The following SGCD variants were observed in gnomAD, a reference collection of about 807,000 sequenced individuals.
SGCD encodes the protein delta-sarcoglycan.
SGCD carries 18 observed loss-of-function variants against 36.6 expected under a neutral mutation model. The ratio of observed to expected loss-of-function variants is 0.49; its 90% confidence interval spans 0.34 to 0.73. The LOEUF (loss-of-function observed/expected upper bound fraction) is 0.73. SGCD is among the 30% of genes least tolerant of loss of function. SGCD has a pLI of 0.01. For synonymous variants in SGCD, 133 were observed against 130.6 expected (o/e 1.02, Z -0.12); for missense variants, 387 against 346.7 (o/e 1.12, Z -0.92).
In SGCD at chr5:156,681,856, G is replaced by C. The variant is rs562433613; in HGVS notation, c.575+34320G>C. On this transcript the variant is annotated intron_variant, in intron 7 of 8. Coordinates refer to ENST00000337851, the MANE Select transcript of SGCD (RefSeq NM_000337.6). Reference sequence around the variant, plus strand: ...ATTCTCAATTTGAGGTTACTTTACTGATGAAAAAGTTCTAAGTTGTCCATC... The same window carrying C: ...ATTCTCAATTTGAGGTTACTTTACTCATGAAAAAGTTCTAAGTTGTCCATC... Among the ~76,000 whole-genome samples the C allele has an allele frequency of 5.9e-5, 9 of 152,322 alleles. No homozygotes were observed. In the East Asian group the frequency reaches 1.5e-3, roughly 26 times the overall value.
intron 4 of SGCD, among the ~76,000 whole-genome samples, chr5:156,520,713 A>C: frequency 6.6e-6 from 1 of 152,104 alleles, no homozygotes; most frequent in East Asian, 1.9e-4. Flanking sequence ...AACAGAATAC[A>C]GAACTTAGAA....
rs1246086911 is a variant in SGCD, at chr5:156,763,183, G to A, written c.*3793G>A. 3 of 152,706 alleles carry A rather than the reference G, an allele frequency of 2.0e-5. No homozygotes were observed. The highest frequency in any genetic ancestry group is 4.4e-5 in the Non-Finnish European group (3 of 68,118). The allele number at this position is 152,706 out of a possible 1,614,324, so 9.5% of individuals were successfully genotyped here. On this transcript the variant is annotated 3_prime_UTR_variant, in exon 9 of 9. Coordinates refer to ENST00000337851, the MANE Select transcript of SGCD (RefSeq NM_000337.6). ...TGAGAGTGAAGTAGGGGACCCTGTG[G>A]TTCAACCTTAGAATCTGTTTCCTGT... is the stretch of plus-strand genomic sequence containing the variant.
At chr5:156,494,641 G>A (rs574004239) in intron 3 of SGCD, among the ~76,000 whole-genome samples, 11 of 152,184 alleles carry the variant, frequency 7.2e-5, no homozygotes, top group South Asian at 2.1e-4. Context: ...CCTGCTTAAC[G>A]TATTCCATTG....
intron 1 of SGCD, among the ~76,000 whole-genome samples, chr5:156,071,899 T>G (rs1172145057): frequency 6.6e-6 from 1 of 152,160 alleles, no homozygotes; most frequent in Admixed American, 6.5e-5. Flanking sequence ...CTTCTTTGTC[T>G]CTTTTGATCT....
intron 1 of SGCD, among the ~76,000 whole-genome samples, chr5:155,959,528 A>G (rs1280887070): frequency 1.3e-5 from 2 of 152,120 alleles, no homozygotes; most frequent in African/African-American, 4.8e-5. Context: ...CCCCAACATT[A>G]TGGTTTAGAA....
chr5:156,446,464 G>T (rs1260704195), intron 3 of SGCD, among the ~76,000 whole-genome samples: 2 of 152,004 alleles, frequency 1.3e-5, no homozygotes, highest in Non-Finnish European at 2.9e-5. Context: ...GAGAAGCAGG[G>T]GTCTAGAAAC....
At chr5:156,531,090 T>A (rs1219312878) in intron 4 of SGCD, among the ~76,000 whole-genome samples, 1 of 152,170 alleles carries the variant, frequency 6.6e-6, no homozygotes, top group Non-Finnish European at 1.5e-5. Context: ...GACTCCTCCC[T>A]CATGAATGGG....
intron 3 of SGCD, among the ~76,000 whole-genome samples, chr5:156,133,477 A>T (rs1418525236): frequency 6.6e-6 from 1 of 152,130 alleles, no homozygotes; most frequent in East Asian, 1.9e-4. Context: ...ATGGATGAGG[A>T]AACTAAGAAA....
At chr5:155,849,081 C>T in the SGCD span, among the ~76,000 whole-genome samples, 5 of 152,142 alleles carry the variant, frequency 3.3e-5, no homozygotes, top group South Asian at 1.0e-3. Flanking sequence ...TTGTAATGTA[C>T]ATAAGGAACC....
the SGCD span, among the ~76,000 whole-genome samples, chr5:155,844,557 G>T: frequency 1.3e-5 from 2 of 152,070 alleles, no homozygotes; most frequent in African/African-American, 4.8e-5. Flanking sequence ...ATGATGGAAA[G>T]AAAGGAAAGA....
the SGCD span, among the ~76,000 whole-genome samples, chr5:155,784,151 G>A: frequency 6.6e-6 from 1 of 152,142 alleles, no homozygotes; most frequent in African/African-American, 2.4e-5. Flanking sequence ...GCAGAAGCCT[G>A]GGGTACTCTG....
At chr5:156,744,667 A>T (rs1423560255) in intron 7 of SGCD, among the ~76,000 whole-genome samples, 1 of 152,232 alleles carries the variant, frequency 6.6e-6, no homozygotes, top group Non-Finnish European at 1.5e-5. Context: ...ACGAAATTAT[A>T]TATCTGTCTC....
intron 1 of SGCD, among the ~76,000 whole-genome samples, chr5:155,918,591 G>T (rs1370243042): frequency 6.6e-6 from 1 of 152,028 alleles, no homozygotes; most frequent in Non-Finnish European, 1.5e-5. Context: ...TAAATAAAAA[G>T]GATAAAGTGA....
chr5:155,818,755 A>G, the SGCD span, among the ~76,000 whole-genome samples: 1,487 of 152,254 alleles, frequency 9.8e-3, 28 homozygotes, highest in African/African-American at 0.034. Flanking sequence ...TTCTGGCCTC[A>G]AGAGATCCTC....
chr5:155,884,790 GAA>G (rs1055578728), intron 1 of SGCD, among the ~76,000 whole-genome samples: 2 of 53,568 alleles, frequency 3.7e-5, no homozygotes, highest in Non-Finnish European at 6.1e-5. Context: ...ATAAAAATGG[GAA>G]TAGTAATAGC....
chr5:156,673,150 T>A lies in SGCD; in HGVS notation c.575+25614T>A, dbSNP rs111544374. Among the ~76,000 whole-genome samples, 528 of 152,338 alleles carry A rather than the reference T, an allele frequency of 3.5e-3. 6 individuals carry two copies. The highest frequency in any genetic ancestry group is 0.012 in the African/African-American group (495 of 41,584). On this transcript the variant is annotated intron_variant, in intron 7 of 8. Transcript: ENST00000337851. ...CTCAAAAGTGTGTGTTCAGCCAGCATAAAGATAAGTAACTGTCTGCAACAC... is the reference window on the plus strand; with the variant it reads ...CTCAAAAGTGTGTGTTCAGCCAGCAAAAAGATAAGTAACTGTCTGCAACAC...
the SGCD span, among the ~76,000 whole-genome samples, chr5:155,806,522 A>G: frequency 6.6e-6 from 1 of 151,856 alleles, no homozygotes; most frequent in Non-Finnish European, 1.5e-5. Flanking sequence ...TGTTGAATTA[A>G]CAATGTCAGA....
At chr5:156,270,815 A>G (rs1766156890) in intron 3 of SGCD, among the ~76,000 whole-genome samples, 1 of 152,084 alleles carries the variant, frequency 6.6e-6, no homozygotes, top group South Asian at 2.1e-4. Flanking sequence ...AAGCCACAAT[A>G]TACAGTGAGG....
chr5:156,731,157 G>GA (rs542414755), intron 7 of SGCD, among the ~76,000 whole-genome samples: 5 of 151,860 alleles, frequency 3.3e-5, no homozygotes, highest in Admixed American at 6.6e-5. Flanking sequence ...AAATTTACAA[G>GA]AAAAAAACAA....
Sources: allele counts gnomAD v4.1 joint callset (sites outside exome capture counted in the v4.1 genomes callset), GRCh38; gene constraint gnomAD v4.1.1; transcripts MANE v1.5; gene names NCBI Gene and HGNC (gene_info 2026-07-23, HGNC 2026-07-21).